Variants in CADM1 observed in about 807,000 individuals in gnomAD.
CADM1 encodes the protein TSLC-1.
CADM1 carries 15 observed loss-of-function variants against 53.1 expected under a neutral mutation model. The observed-to-expected ratio is 0.28, with a 90% CI of 0.19 to 0.44. The LOEUF (loss-of-function observed/expected upper bound fraction) is 0.44, where lower values mean the gene tolerates loss of function less well. Ranked by LOEUF, CADM1 falls within the 20% of genes least tolerant of loss-of-function variation. The pLI is 1.00. For missense variants in CADM1, 434 were observed against 611.3 expected (o/e 0.71, Z 3.06); for synonymous variants, 281 against 243.0 (o/e 1.16, Z -1.45).
intron 1 of CADM1, among the ~76,000 whole-genome samples, chr11:115,410,544 AT>A (rs1422696137): frequency 6.6e-6 from 1 of 152,208 alleles, no homozygotes; most frequent in Non-Finnish European, 1.5e-5. Flanking sequence ...CAGAGGGTGC[AT>A]TATGTCTGTT....
chr11:115,488,774 A>G (rs1949432232), intron 1 of CADM1, among the ~76,000 whole-genome samples: 2 of 152,348 alleles, frequency 1.3e-5, no homozygotes, highest in African/African-American at 4.8e-5. Context: ...GTATAGTCAC[A>G]CAAATAGTGG....
intron 3 of CADM1, among the ~76,000 whole-genome samples, chr11:115,235,561 G>A (rs1288769548): frequency 1.3e-5 from 2 of 152,118 alleles, no homozygotes; most frequent in Non-Finnish European, 2.9e-5. Context: ...AAATGTCAAG[G>A]TTCTTCTCAG....
chr11:115,344,922 A>AT (rs1372118369), intron 1 of CADM1, among the ~76,000 whole-genome samples: 1 of 152,152 alleles, frequency 6.6e-6, no homozygotes, highest in East Asian at 1.9e-4. Context: ...GTACTCTACA[A>AT]TTTGGCTTGA....
chr11:115,276,964 G>A (rs1045864795), intron 1 of CADM1, among the ~76,000 whole-genome samples: 3 of 152,226 alleles, frequency 2.0e-5, no homozygotes, highest in African/African-American at 4.8e-5. Context: ...GATCTGTGCC[G>A]AACACTAATA....
intron 1 of CADM1, among the ~76,000 whole-genome samples, chr11:115,476,692 G>C (rs1949139409): frequency 1.3e-5 from 2 of 152,160 alleles, no homozygotes; most frequent in South Asian, 4.1e-4. Flanking sequence ...AATGATAAGA[G>C]AATCAGGGTG....
At chr11:115,214,552 A>T (rs1321346151) in intron 7 of CADM1, 56 bp downstream of exon 7, 2 of 1,494,360 alleles carry the variant, frequency 1.3e-6, no homozygotes, top group Non-Finnish European at 1.9e-6. Context: ...GTAAATCACA[A>T]GTAGCAGCTC....
chr11:115,306,864 G>T (rs1180927088), intron 1 of CADM1, among the ~76,000 whole-genome samples: 1 of 151,950 alleles, frequency 6.6e-6, no homozygotes, highest in Non-Finnish European at 1.5e-5. Context: ...TTTGGTTAAT[G>T]CACTTTCTAT....
At chr11:115,270,451 CT>C (rs1943266250) in intron 1 of CADM1, among the ~76,000 whole-genome samples, 1 of 152,160 alleles carries the variant, frequency 6.6e-6, no homozygotes, top group Non-Finnish European at 1.5e-5. Context: ...TTCCCCATAA[CT>C]TCTGGGCACC....
In CADM1 at chr11:115,231,489, G is replaced by C. The variant is rs749709319; in HGVS notation, c.426C>G (p.Val142=). Reference sequence around the variant, plus strand: ...TATCGATCATCAGATTACGTGGTGGGACTACAAATTAAACATATGTGCTTT... The same window carrying C: ...TATCGATCATCAGATTACGTGGTGGCACTACAAATTAAACATATGTGCTTT... ...QESYTTITVL[V]PPRNLMIDIQ... is the part of the protein sequence containing the mutation. The change falls in exon 4 of 12, where the codon GTC becomes GTG. Residue 142 remains valine (V), a splice_region_variant and synonymous_variant. Coordinates refer to ENST00000331581, the MANE Select transcript of CADM1 (RefSeq NM_001301043.2). 2 of 1,613,712 alleles carry C rather than the reference G, an allele frequency of 1.2e-6. No individual in the cohort carries two copies. Among genetic ancestry groups the C allele is most frequent in the Non-Finnish European group, 1.7e-6 (2 of 1,179,748 alleles).
At chr11:115,199,238 C>T (rs1940306219) in intron 8 of CADM1, among the ~76,000 whole-genome samples, 1 of 152,188 alleles carries the variant, frequency 6.6e-6, no homozygotes, top group Admixed American at 6.5e-5. Flanking sequence ...ATATGACATT[C>T]CAAAAATTTA....
chr11:115,254,593 C>CAGAGAG (rs780838513), intron 1 of CADM1, among the ~76,000 whole-genome samples: 134 of 136,416 alleles, frequency 9.8e-4, no homozygotes, highest in African/African-American at 3.6e-3. Flanking sequence ...CACACACACA[C>CAGAGAG]AGAGACAACA....
Position 115,254,650 on chromosome 11 carries a change from T to C in CADM1, c.125-14230A>G, listed in dbSNP as rs145693127. ...AGTTACTAATATGCTATGGGTACCA[T>C]AGAAAAGGATGACCAGCTCAGTTGG... On this transcript the variant is annotated intron_variant, in intron 1 of 11. Coordinates refer to ENST00000331581, the MANE Select transcript of CADM1 (RefSeq NM_001301043.2). Among the ~76,000 whole-genome samples, 13 of 151,182 alleles carry C rather than the reference T, an allele frequency of 8.6e-5. No homozygotes were observed. The East Asian group carries it at 2.5e-3, about 29-fold the overall frequency.
chr11:115,253,518 A>G (rs1942675309), intron 1 of CADM1, among the ~76,000 whole-genome samples: 1 of 152,192 alleles, frequency 6.6e-6, no homozygotes. Context: ...TTAATTGAAT[A>G]ATAATATTTT....
At chr11:115,234,249 T>A (rs1318105376) in intron 3 of CADM1, among the ~76,000 whole-genome samples, 2 of 152,188 alleles carry the variant, frequency 1.3e-5, no homozygotes, top group Non-Finnish European at 2.9e-5. Context: ...CTTTATTGCC[T>A]CCATTTGGTT....
chr11:115,481,780 T>G (rs776746293), intron 1 of CADM1, among the ~76,000 whole-genome samples: 2 of 152,176 alleles, frequency 1.3e-5, no homozygotes, highest in African/African-American at 2.4e-5. Context: ...TTCCTAAACA[T>G]ATCCTGAAAC....
chr11:115,232,150 C>T (rs1941842766), intron 3 of CADM1, among the ~76,000 whole-genome samples: 1 of 152,124 alleles, frequency 6.6e-6, no homozygotes, highest in Non-Finnish European at 1.5e-5. Flanking sequence ...TTGAAATGAT[C>T]ATCCTTACCA....
At chr11:115,290,645 C>T (rs533137751) in intron 1 of CADM1, among the ~76,000 whole-genome samples, 113 of 152,250 alleles carry the variant, frequency 7.4e-4, no homozygotes, top group African/African-American at 2.7e-3. Flanking sequence ...AAATAAAACA[C>T]ACACTGATGG....
At chr11:115,187,104 C>T (rs970230456) in intron 10 of CADM1, among the ~76,000 whole-genome samples, 2 of 152,242 alleles carry the variant, frequency 1.3e-5, no homozygotes, top group African/African-American at 4.8e-5. Flanking sequence ...TATCATGCCA[C>T]ACTTTAGATT....
At chr11:115,474,802 C>G (rs895260162) in intron 1 of CADM1, among the ~76,000 whole-genome samples, 1 of 151,860 alleles carries the variant, frequency 6.6e-6, no homozygotes, top group African/African-American at 2.4e-5. Context: ...ACATATGTAA[C>G]AAACCTGCAC....
Sources: gnomAD v4.1 joint callset for allele counts (sites outside exome capture counted in the v4.1 genomes callset) on GRCh38, gnomAD v4.1.1 for gene constraint, MANE v1.5 for transcripts, NCBI Gene and HGNC (gene_info 2026-07-23, HGNC 2026-07-21) for gene names.